The following DOK6 variants were observed in gnomAD, a reference collection of about 807,000 sequenced individuals.
The protein encoded by DOK6 is docking protein 6, also known as downstream of tyrosine kinase 6.
A neutral mutation model predicts 44.0 loss-of-function variants in DOK6; 22 were observed. The observed-to-expected ratio is 0.50, with a 90% CI of 0.36 to 0.71. The LOEUF is 0.71. DOK6 is among the 30% of genes least tolerant of loss of function. The probability of loss-of-function intolerance (pLI) is 0.00; values close to 1 mark genes in which losing one functional copy is unlikely to be tolerated. For synonymous variants in DOK6, 166 were observed against 145.5 expected (o/e 1.14, Z -1.01); for missense variants, 340 against 416.4 (o/e 0.82, Z 1.60).
At chr18:69,550,578 A>G (rs1982535445) in intron 1 of DOK6, among the ~76,000 whole-genome samples, 1 of 152,140 alleles carries the variant, frequency 6.6e-6, no homozygotes, top group Non-Finnish European at 1.5e-5. Flanking sequence ...CAGCATATAC[A>G]TCAGTATCGG....
At chr18:69,700,036 T>G (rs1470243042) in intron 5 of DOK6, among the ~76,000 whole-genome samples, 3 of 151,604 alleles carry the variant, frequency 2.0e-5, no homozygotes, top group African/African-American at 4.9e-5. Flanking sequence ...TATCAAAACA[T>G]CAGATCTCGT....
intron 3 of DOK6, among the ~76,000 whole-genome samples, chr18:69,603,792 A>C (rs908538276): frequency 1.3e-5 from 2 of 151,464 alleles, no homozygotes; most frequent in African/African-American, 2.4e-5. Context: ...AAAAAAAAAA[A>C]AAAAGGACAT....
chr18:69,732,474 CATAAAG>C (rs2144732436), intron 5 of DOK6, among the ~76,000 whole-genome samples: 1 of 151,932 alleles, frequency 6.6e-6, no homozygotes, highest in South Asian at 2.1e-4. Flanking sequence ...ATTTTTGAGG[CATAAAG>C]ATAAATAGAA....
At chr18:69,675,113 A>G (rs1985891002) in intron 3 of DOK6, among the ~76,000 whole-genome samples, 1 of 152,192 alleles carries the variant, frequency 6.6e-6, no homozygotes, top group South Asian at 2.1e-4. Context: ...GTAGGAGCCC[A>G]TGAATACCTC....
chr18:69,597,759 A>G (rs1351242938), intron 2 of DOK6, among the ~76,000 whole-genome samples: 1 of 143,438 alleles, frequency 7.0e-6, no homozygotes, highest in Non-Finnish European at 1.6e-5. Flanking sequence ...CGCCTGCTCA[A>G]CCTCAGCTGG....
chr18:69,404,974 G>A (rs1358049637), intron 1 of DOK6, among the ~76,000 whole-genome samples: 9 of 152,124 alleles, frequency 5.9e-5, no homozygotes, highest in Non-Finnish European at 4.4e-5. Flanking sequence ...AGAGTACATC[G>A]GGCCAGTCAT....
At chr18:69,692,910 T>G (rs1986299956) in intron 4 of DOK6, among the ~76,000 whole-genome samples, 1 of 152,228 alleles carries the variant, frequency 6.6e-6, no homozygotes, top group Non-Finnish European at 1.5e-5. Flanking sequence ...ATATTTTAAT[T>G]AATAAATTTT....
intron 7 of DOK6, among the ~76,000 whole-genome samples, chr18:69,802,003 C>A (rs185752692): frequency 6.6e-6 from 1 of 152,100 alleles, no homozygotes; most frequent in African/African-American, 2.4e-5. Context: ...CTTTCAGAGG[C>A]CTTTTATGAT....
chr18:69,556,016 A>G (rs752759768), intron 1 of DOK6, among the ~76,000 whole-genome samples: 4 of 152,240 alleles, frequency 2.6e-5, no homozygotes, highest in Non-Finnish European at 5.9e-5. Context: ...ACCTCTGATC[A>G]TTGCAAAGTG....
At chr18:69,814,319 C>A (rs965925710) in intron 7 of DOK6, among the ~76,000 whole-genome samples, 4 of 151,976 alleles carry the variant, frequency 2.6e-5, no homozygotes, top group Non-Finnish European at 4.4e-5. Flanking sequence ...ACTTTTCAGG[C>A]TATGTTGGCC....
chr18:69,622,882 G>T (rs1055238671), intron 3 of DOK6, among the ~76,000 whole-genome samples: 1 of 152,318 alleles, frequency 6.6e-6, no homozygotes, highest in African/African-American at 2.4e-5. Flanking sequence ...AAAATTGCTT[G>T]TGTTTACCAA....
intron 1 of DOK6, among the ~76,000 whole-genome samples, chr18:69,527,178 A>G (rs185963790): frequency 4.9e-4 from 75 of 152,314 alleles, no homozygotes; most frequent in Non-Finnish European, 9.6e-4. Context: ...TCATTTGCAA[A>G]TCTACTTAAT....
intron 3 of DOK6, among the ~76,000 whole-genome samples, chr18:69,626,973 C>T (rs1306782771): frequency 1.3e-5 from 2 of 152,132 alleles, no homozygotes. Flanking sequence ...AGGGGTCAGG[C>T]CTAGAGGTAC....
intron 1 of DOK6, among the ~76,000 whole-genome samples, chr18:69,493,644 A>G (rs934711938): frequency 2.0e-5 from 3 of 152,234 alleles, no homozygotes; most frequent in Non-Finnish European, 4.4e-5. Context: ...ATAGAGATAC[A>G]TATATGAAAT....
At chr18:69,551,348 T>C (rs1307510759) in intron 1 of DOK6, among the ~76,000 whole-genome samples, 4 of 152,222 alleles carry the variant, frequency 2.6e-5, no homozygotes, top group Non-Finnish European at 4.4e-5. Context: ...AATTCCACAG[T>C]TTGAAGAAAA....
At chr18:69,402,068 C>T (rs894283253) in intron 1 of DOK6, among the ~76,000 whole-genome samples, 1 of 152,138 alleles carries the variant, frequency 6.6e-6, no homozygotes, top group Non-Finnish European at 1.5e-5. Flanking sequence ...CGGGAGGCAG[C>T]GGGACAGGAG....
intron 1 of DOK6, among the ~76,000 whole-genome samples, chr18:69,519,140 C>T (rs1254396512): frequency 6.6e-6 from 1 of 151,972 alleles, no homozygotes; most frequent in Non-Finnish European, 1.5e-5. Flanking sequence ...CATTTTTTGG[C>T]TCCACTGCAC....
chr18:69,499,234 T>C (rs1354350299), intron 1 of DOK6, among the ~76,000 whole-genome samples: 2 of 151,632 alleles, frequency 1.3e-5, no homozygotes, highest in African/African-American at 4.9e-5. Flanking sequence ...TGTATATATA[T>C]ATATGAGATA....
intron 5 of DOK6, among the ~76,000 whole-genome samples, chr18:69,699,317 A>G (rs1986459527): frequency 6.6e-6 from 1 of 152,206 alleles, no homozygotes; most frequent in Non-Finnish European, 1.5e-5. Flanking sequence ...TGGCCTTATA[A>G]GGCAATTATA....
Sources: allele counts gnomAD v4.1 joint callset (sites outside exome capture counted in the v4.1 genomes callset), GRCh38; gene constraint gnomAD v4.1.1; transcripts MANE v1.5; gene names NCBI Gene and HGNC (gene_info 2026-07-23, HGNC 2026-07-21).